DNPEP: variants seen among roughly 807,000 people sequenced by gnomAD.
DNPEP encodes the protein aspartyl aminopeptidase.
DNPEP carries 46 observed loss-of-function variants against 59.1 expected under a neutral mutation model. The ratio of observed to expected loss-of-function variants is 0.78; its 90% CI spans 0.61 to 0.99. The LOEUF is 0.99. DNPEP is among the 50% of genes least tolerant of loss of function. DNPEP has a pLI of 0.00. For synonymous variants in DNPEP, 229 were observed against 242.2 expected, an observed-to-expected ratio of 0.95 and a Z score of 0.50; for missense variants, 617 against 649.9, an observed-to-expected ratio of 0.95 and a Z score of 0.55.
At chr2:219,380,121 T>C (rs1953526874) in intron 13 of DNPEP, among the ~76,000 whole-genome samples, 1 of 151,310 alleles carries the variant, frequency 6.6e-6, no homozygotes, top group Non-Finnish European at 1.5e-5. Context: ...TGCCGTAAGC[T>C]CCATTCCTAA....
At chr2:219,386,497 G>T in intron 4 of DNPEP, 86 bp from the exon 5 acceptor site, 1 of 1,562,614 alleles carries the variant, frequency 6.4e-7, no homozygotes, top group South Asian at 1.1e-5. Flanking sequence ...AACAGACAGC[G>T]AATATTAGTG....
rs1309998827 is a variant in DNPEP, at chr2:219,385,528, C to T, written c.670G>A (p.Glu224Lys). The T allele has an allele frequency of 6.2e-7, 1 of 1,603,534 alleles. No individual in the cohort carries two copies. The highest frequency in any genetic ancestry group is 8.5e-7 in the Non-Finnish European group (1 of 1,171,422). ...GACATGAGGACCGAATGGTGCCGCT[C>T]ATCCTGAAGAGCAGAAAGATGCTGG... ...PEPGPLNAVD[E>K]RHHSVLMSLL... is the part of the protein sequence containing the mutation. The change falls in exon 8 of 15, where the codon GAG becomes AAG. Residue 224 changes from glutamate to lysine, a missense_variant. Glu to Lys is a moderately conservative substitution (Grantham distance 56). Coordinates refer to ENST00000273075, the MANE Select transcript of DNPEP (RefSeq NM_012100.4).
upstream of DNPEP, among the ~76,000 whole-genome samples, chr2:219,392,810 TA>T (rs1198169238): frequency 1.3e-5 from 2 of 152,164 alleles, no homozygotes; most frequent in Non-Finnish European, 2.9e-5. Flanking sequence ...GCGTCCAGCC[TA>T]GAACTACAAA....
upstream of DNPEP, among the ~76,000 whole-genome samples, chr2:219,391,069 C>T (rs1269513814): frequency 2.6e-5 from 4 of 152,102 alleles, no homozygotes; most frequent in Admixed American, 6.6e-5. Context: ...ATAAATCCTG[C>T]GCTTAGACAG....
At chr2:219,384,922 G>A (rs912359160) in intron 8 of DNPEP, 1 of 165,420 alleles carries the variant, frequency 6.0e-6, no homozygotes, top group East Asian at 1.8e-4. Context: ...GAGGCCAATA[G>A]CTCTTGACCT....
chr2:219,377,063 C>T (rs184136336), intron 13 of DNPEP, among the ~76,000 whole-genome samples: 4 of 152,046 alleles, frequency 2.6e-5, no homozygotes, highest in Admixed American at 1.3e-4. Context: ...CACTTGAGGT[C>T]AGGAGTTCAA....
intron 1 of DNPEP, among the ~76,000 whole-genome samples, chr2:219,396,005 C>T (rs1016186973): frequency 1.9e-4 from 29 of 152,044 alleles, no homozygotes; most frequent in Admixed American, 6.5e-4. Flanking sequence ...TAATACTCAG[C>T]GATAAAAAGG....
At chr2:219,395,591 A>T (rs1020633985) in intron 1 of DNPEP, among the ~76,000 whole-genome samples, 1 of 152,234 alleles carries the variant, frequency 6.6e-6, no homozygotes, top group East Asian at 1.9e-4. Context: ...TGTCAGGTGC[A>T]TCTGCCATAC....
At chr2:219,397,390 G>T (rs2125154840) in intron 1 of DNPEP, among the ~76,000 whole-genome samples, 1 of 152,126 alleles carries the variant, frequency 6.6e-6, no homozygotes, top group African/African-American at 2.4e-5. Flanking sequence ...TTTTGAGACA[G>T]AGTTTTGCTC....
chr2:219,399,300 C>T (rs772915879), intron 1 of DNPEP: 1 of 366,002 alleles, frequency 2.7e-6, no homozygotes, highest in South Asian at 2.0e-5. Context: ...AGGCCAACAC[C>T]TATCTCAAAC....
chr2:219,390,717 C>A (rs1954003297), upstream of DNPEP, among the ~76,000 whole-genome samples: 1 of 152,068 alleles, frequency 6.6e-6, no homozygotes, highest in Non-Finnish European at 1.5e-5. Context: ...GTAATCCCAG[C>A]TACTCAGGAG....
intron 13 of DNPEP, among the ~76,000 whole-genome samples, chr2:219,378,005 A>G (rs914577728): frequency 2.6e-5 from 4 of 152,138 alleles, no homozygotes; most frequent in African/African-American, 9.7e-5. Flanking sequence ...CAACAAAAAT[A>G]TATCCAATAT....
rs1473760692 is a variant in DNPEP, at chr2:219,372,819, G to A, written c.*1473C>T. On this transcript the variant is annotated 3_prime_UTR_variant, in exon 15 of 15. Transcript: ENST00000273075. Reference sequence around the variant, plus strand: ...CTACCTATAATGGACATTTCATAGTGTATTTGGGCTTGCCTTTACTGAGAA... The same window carrying A: ...CTACCTATAATGGACATTTCATAGTATATTTGGGCTTGCCTTTACTGAGAA... Among the ~76,000 whole-genome samples the A allele has an allele frequency of 2.0e-5, 3 of 152,078 alleles. No individual in the cohort carries two copies. Among genetic ancestry groups the A allele is most frequent in the Non-Finnish European group, 4.4e-5 (3 of 68,022 alleles).
upstream of DNPEP, chr2:219,388,053 C>G: frequency 1.5e-6 from 1 of 664,460 alleles, no homozygotes; most frequent in Non-Finnish European, 2.1e-6. Context: ...GGCACCACCA[C>G]CCGCCTTGCC....
chr2:219,376,403 T>C (rs899398497), intron 13 of DNPEP, among the ~76,000 whole-genome samples: 1 of 150,776 alleles, frequency 6.6e-6, no homozygotes, highest in Non-Finnish European at 1.5e-5. Context: ...TATGAGACTC[T>C]CTTGCACCTG....
At chr2:219,384,305 A>G in intron 9 of DNPEP, 61 bp downstream of exon 9, 2 of 1,520,864 alleles carry the variant, frequency 1.3e-6, no homozygotes, top group Non-Finnish European at 1.8e-6. Flanking sequence ...AGCTCCCCCG[A>G]CCCCAAACAT....
intron 4 of DNPEP, 44 bp from the exon 5 acceptor site, chr2:219,386,455 A>C: frequency 6.2e-7 from 1 of 1,612,622 alleles, no homozygotes; most frequent in Non-Finnish European, 8.5e-7. Context: ...TCATGACGAT[A>C]TGTGGAGATG....
intron 9 of DNPEP, among the ~76,000 whole-genome samples, chr2:219,383,762 G>A (rs1953697649): frequency 6.6e-6 from 1 of 152,286 alleles, no homozygotes; most frequent in Middle Eastern, 3.4e-3. Flanking sequence ...GTAGATGCAG[G>A]TCCCAGGTCC....
At chr2:219,383,056 C>A in intron 10 of DNPEP, 75 bp downstream of exon 10, 1 of 1,412,848 alleles carries the variant, frequency 7.1e-7, no homozygotes, top group Non-Finnish European at 9.9e-7. Context: ...CCCTGGCTCA[C>A]GGTGGATGCC....
Sources: gnomAD v4.1 joint callset for allele counts (sites outside exome capture counted in the v4.1 genomes callset) on GRCh38, gnomAD v4.1.1 for gene constraint, MANE v1.5 for transcripts, NCBI Gene and HGNC (gene_info 2026-07-23, HGNC 2026-07-21) for gene names.